PPEF1: variants seen among roughly 807,000 people sequenced by gnomAD.
PPEF1 encodes protein phosphatase with EF-hand domain 1, also known as serine/threonine-protein phosphatase with EF-hands 1.
A neutral mutation model predicts 53.3 loss-of-function variants in PPEF1; 12 were observed. That is an observed-to-expected ratio of 0.23 (90% CI 0.14 to 0.36). The LOEUF (loss-of-function observed/expected upper bound fraction) is 0.36, where lower values mean the gene tolerates loss of function less well. PPEF1 is among the 10% of genes least tolerant of loss of function. PPEF1 has a pLI of 1.00. For synonymous variants in PPEF1, 165 were observed against 176.7 expected, an observed-to-expected ratio of 0.93 and a Z score of 0.52; for missense variants, 334 against 490.4, an observed-to-expected ratio of 0.68 and a Z score of 3.01.
chrX:18,799,854 T>C (rs748406847), intron 10 of PPEF1, among the ~76,000 whole-genome samples: 1 of 112,057 alleles, frequency 8.9e-6, no homozygotes, highest in South Asian at 3.7e-4. Context: ...AAGAGATGGT[T>C]TCTACTGAGG....
chrX:18,792,596 A>G (rs2046343126), intron 10 of PPEF1, among the ~76,000 whole-genome samples: 2 of 109,993 alleles, frequency 1.8e-5, no homozygotes, highest in East Asian at 5.7e-4. Flanking sequence ...TGTCAATGTT[A>G]TTGATCTTTT....
At chrX:18,816,291 G>C (rs2147736688) in intron 12 of PPEF1, among the ~76,000 whole-genome samples, 1 of 110,808 alleles carries the variant, frequency 9.0e-6, no homozygotes, top group African/African-American at 3.3e-5. Context: ...TCTCATATTT[G>C]TGACTTGCCC....
chrX:18,710,223 A>G (rs189484773), intron 1 of PPEF1, among the ~76,000 whole-genome samples: 95 of 112,076 alleles, frequency 8.5e-4, no homozygotes, highest in African/African-American at 2.8e-3. Flanking sequence ...TATTGTTGTA[A>G]GATAAATTTA....
intron 4 of PPEF1, among the ~76,000 whole-genome samples, chrX:18,754,894 C>G (rs1321761229): frequency 8.9e-6 from 1 of 111,976 alleles, no homozygotes; most frequent in Non-Finnish European, 1.9e-5. Flanking sequence ...AGCCACTGCA[C>G]CTGGCCTCAG....
At chrX:18,804,498 G>A (rs1253492249) in intron 11 of PPEF1, among the ~76,000 whole-genome samples, 1 of 110,405 alleles carries the variant, frequency 9.1e-6, no homozygotes, top group African/African-American at 3.3e-5. Flanking sequence ...GTAGAGACAG[G>A]GTTTCACCAT....
chrX:18,705,088 C>A (rs2044168045), upstream of PPEF1, among the ~76,000 whole-genome samples: 2 of 111,785 alleles, frequency 1.8e-5, no homozygotes, highest in Admixed American at 1.9e-4. Flanking sequence ...CCCTGCCCTT[C>A]CTTCCTTTTC....
Position 18,789,104 on chromosome X carries a change from A to T in PPEF1, c.913-17A>T. ...AATAAGCAGAGGGTTGGACTAAAGC[A>T]TGAATTTGTTTTATAGATGAAATCT... On this transcript the variant is annotated splice_polypyrimidine_tract_variant and intron_variant, in intron 9 of 15. Transcript: ENST00000470157. The T allele has an allele frequency of 8.3e-7, 1 of 1,208,780 alleles. No homozygotes were observed. Among genetic ancestry groups the T allele is most frequent in the Non-Finnish European group, 1.1e-6 (1 of 893,253 alleles).
At chrX:18,741,102 C>T (rs2045149208) in intron 3 of PPEF1, among the ~76,000 whole-genome samples, 1 of 111,385 alleles carries the variant, frequency 9.0e-6, no homozygotes, top group African/African-American at 3.3e-5. Context: ...TAGAAGCCTT[C>T]TGAATGGTGA....
At chrX:18,824,746 C>G (rs1057393698) in intron 14 of PPEF1, among the ~76,000 whole-genome samples, 50 of 109,835 alleles carry the variant, frequency 4.6e-4, no homozygotes, top group African/African-American at 1.2e-3. Flanking sequence ...TCACTGCAAC[C>G]TCTGCCTGCC....
chrX:18,677,684 A>G (rs186139506), intron 1 of PPEF1, among the ~76,000 whole-genome samples: 58 of 111,568 alleles, frequency 5.2e-4, no homozygotes, highest in African/African-American at 1.8e-3. Flanking sequence ...TCAGAAGAGA[A>G]CTTCTGGAAG....
chrX:18,711,952 A>G (rs951043522), intron 1 of PPEF1, among the ~76,000 whole-genome samples: 1 of 110,834 alleles, frequency 9.0e-6, no homozygotes, highest in Non-Finnish European at 1.9e-5. Flanking sequence ...ACGGGGTTTC[A>G]CCATGTTGGC....
At chrX:18,771,305 GC>G (rs1247183310) in intron 6 of PPEF1, among the ~76,000 whole-genome samples, 1 of 111,162 alleles carries the variant, frequency 9.0e-6, no homozygotes, top group Non-Finnish European at 1.9e-5. Flanking sequence ...TAAGATGAAT[GC>G]CATCTTTCGT....
At chrX:18,711,092 G>GTATATATA (rs58474400) in intron 1 of PPEF1, among the ~76,000 whole-genome samples, 3 of 98,919 alleles carry the variant, frequency 3.0e-5, no homozygotes, top group African/African-American at 1.1e-4. Flanking sequence ...GTGTGTGTGT[G>GTATATATA]TATATATATA....
At chrX:18,802,629 G>C (rs759155107) in intron 10 of PPEF1, among the ~76,000 whole-genome samples, 5 of 111,774 alleles carry the variant, frequency 4.5e-5, no homozygotes, top group South Asian at 3.7e-4. Flanking sequence ...AAACAGCAAG[G>C]GCTTCCTCAG....
intron 1 of PPEF1, among the ~76,000 whole-genome samples, chrX:18,684,276 T>C (rs1928983131): frequency 8.9e-6 from 1 of 112,064 alleles, no homozygotes; most frequent in Non-Finnish European, 1.9e-5. Context: ...AGTATGTTAA[T>C]GGAAGATAGT....
upstream of PPEF1, among the ~76,000 whole-genome samples, chrX:18,678,575 T>C (rs1377404170): frequency 8.9e-6 from 1 of 112,339 alleles, no homozygotes; most frequent in East Asian, 2.8e-4. Context: ...GTCCCCCCAC[T>C]GGGACTTGTT....
At chrX:18,806,130 G>C (rs1354764875) in intron 11 of PPEF1, among the ~76,000 whole-genome samples, 1 of 111,393 alleles carries the variant, frequency 9.0e-6, no homozygotes, top group Non-Finnish European at 1.9e-5. Context: ...AGAGGATTCT[G>C]AGATTTGGCA....
At chrX:18,814,946 G>A (rs1409938517) in intron 12 of PPEF1, among the ~76,000 whole-genome samples, 1 of 111,527 alleles carries the variant, frequency 9.0e-6, no homozygotes, top group Admixed American at 9.6e-5. Flanking sequence ...TATGTCCTAG[G>A]TTTTCTTCTA....
intron 3 of PPEF1, among the ~76,000 whole-genome samples, chrX:18,748,252 A>G: frequency 8.9e-6 from 1 of 112,946 alleles, no homozygotes. Flanking sequence ...ACACTGTGGT[A>G]CACAAGAATT....
Sources: allele counts gnomAD v4.1 joint callset (sites outside exome capture counted in the v4.1 genomes callset), GRCh38; gene constraint gnomAD v4.1.1; transcripts MANE v1.5; gene names NCBI Gene and HGNC (gene_info 2026-07-23, HGNC 2026-07-21).